Variants in CSF2RA observed in about 807,000 individuals in gnomAD.
CSF2RA encodes the protein granulocyte-macrophage colony-stimulating factor receptor subunit alpha.
CSF2RA carries 42 observed loss-of-function variants against 51.6 expected under a neutral mutation model. That is an observed-to-expected ratio of 0.81 (90% CI 0.64 to 1.05). The LOEUF is 1.05. CSF2RA is among the 50% of genes least tolerant of loss of function. The probability of loss-of-function intolerance (pLI) is 0.00; values close to 1 mark genes in which losing one functional copy is unlikely to be tolerated. For missense variants in CSF2RA, 530 were observed against 501.1 expected, an observed-to-expected ratio of 1.06 and a Z score of -0.55; for synonymous variants, 222 against 193.0, an observed-to-expected ratio of 1.15 and a Z score of -1.24.
intron 1 of CSF2RA, among the ~76,000 whole-genome samples, chrX:1,270,788 C>T (rs2088279586): frequency 1.3e-5 from 2 of 151,074 alleles, no homozygotes; most frequent in South Asian, 4.2e-4. Context: ...TGGTGTAATC[C>T]CAGGACTTTG....
chrX:1,321,426 G>C, the CSF2RA span, among the ~76,000 whole-genome samples: 9 of 151,904 alleles, frequency 5.9e-5, no homozygotes, highest in Non-Finnish European at 2.9e-5. Context: ...CCGAGATCGT[G>C]CCACTGCACT....
chrX:1,322,099 A>ATTATTTATTTAGTTATTTAT, the CSF2RA span, among the ~76,000 whole-genome samples: 1 of 146,638 alleles, frequency 6.8e-6, no homozygotes, highest in East Asian at 2.0e-4. Flanking sequence ...ATAACATCCT[A>ATTATTTATTTAGTTATTTAT]TTATTTATTT....
chrX:1,281,479 T>C (rs752522485), intron 2 of CSF2RA, among the ~76,000 whole-genome samples: 1 of 148,118 alleles, frequency 6.8e-6, no homozygotes, highest in East Asian at 2.1e-4. Flanking sequence ...CTCCTCCTGC[T>C]CCTTCTCCTC....
At chrX:1,314,228 TGCACCTGCCC>T (rs1569514646), downstream of CSF2RA, among the ~76,000 whole-genome samples, 3,235 of 148,970 alleles carry the variant, frequency 0.022, 171 homozygotes, top group Admixed American at 0.049. Flanking sequence ...CCAACCCCAC[TGCACCTGCCC>T]AACCCCACTG....
At chrX:1,286,380 C>G (rs1235092908) in intron 4 of CSF2RA, among the ~76,000 whole-genome samples, 2 of 152,048 alleles carry the variant, frequency 1.3e-5, no homozygotes, top group African/African-American at 2.4e-5. Context: ...ACCAGGCTGA[C>G]CAACATGGTG....
intron 2 of CSF2RA, among the ~76,000 whole-genome samples, chrX:1,275,662 C>G (rs1406960174): frequency 4.7e-5 from 7 of 150,370 alleles, no homozygotes; most frequent in Non-Finnish European, 1.0e-4. Context: ...GGGTTCACGC[C>G]ATTCTCCTGC....
chrX:1,308,730 G>A (rs2083925979), intron 12 of CSF2RA, among the ~76,000 whole-genome samples: 2 of 151,962 alleles, frequency 1.3e-5, no homozygotes, highest in South Asian at 2.1e-4. Context: ...GCTTTCCACT[G>A]ACCCCCAGGG....
chrX:1,286,854 C>A (rs774661267), intron 4 of CSF2RA, among the ~76,000 whole-genome samples: 1 of 151,994 alleles, frequency 6.6e-6, no homozygotes, highest in Non-Finnish European at 1.5e-5. Context: ...GTGTCAGTCA[C>A]GTTGTCAGTG....
At chrX:1,287,711 T>TAG (rs2148358987) in intron 4 of CSF2RA, among the ~76,000 whole-genome samples, 1 of 136,422 alleles carries the variant, frequency 7.3e-6, no homozygotes, top group South Asian at 2.4e-4. Flanking sequence ...CCCAGAGTGC[T>TAG]GGCATTACAG....
At chrX:1,275,089 A>T (rs1432212634) in intron 2 of CSF2RA, among the ~76,000 whole-genome samples, 1 of 22,880 alleles carries the variant, frequency 4.4e-5, no homozygotes, top group Admixed American at 5.4e-4. Context: ...TGAACCTGTC[A>T]AAAAAAAAAA....
In CSF2RA at chrX:1,294,419, G is replaced by C. The variant is rs1314048015; in HGVS notation, c.738G>C (p.Leu246=). Residue 246 remains leucine, a synonymous_variant, in exon 8 of 13, where the codon CTG becomes CTC. Coordinates refer to ENST00000381529, the MANE Select transcript of CSF2RA (RefSeq NM_172245.4). ...AACAGCCCAGGACCTATCAGAAGCT[G>C]TCGTACCTGGACTTTCAGTACCAGC... ...RWKQPRTYQK[L]SYLDFQYQLD... 6.2e-7 allele frequency: 1 copy of C among 1,613,808 alleles called. No homozygotes were observed. Among genetic ancestry groups the C allele is most frequent in the Non-Finnish European group, 8.5e-7 (1 of 1,179,876 alleles).
At chrX:1,287,839 A>T (rs1183502702) in intron 4 of CSF2RA, among the ~76,000 whole-genome samples, 3 of 137,638 alleles carry the variant, frequency 2.2e-5, no homozygotes, top group African/African-American at 8.3e-5. Context: ...TGGGTTCAAG[A>T]GAGTCTCCTG....
intron 10 of CSF2RA, among the ~76,000 whole-genome samples, chrX:1,302,175 C>T (rs2148626030): frequency 6.6e-6 from 1 of 152,198 alleles, no homozygotes; most frequent in Non-Finnish European, 1.5e-5. Flanking sequence ...CTCGCCCTCC[C>T]AAAGTGCTGC....
chrX:1,320,465 G>A, the CSF2RA span, among the ~76,000 whole-genome samples: 4 of 150,204 alleles, frequency 2.7e-5, no homozygotes, highest in African/African-American at 9.8e-5. Context: ...ATTCTCAAAT[G>A]CCTCAGTTCA....
downstream of CSF2RA, among the ~76,000 whole-genome samples, chrX:1,313,947 T>G (rs112702945): frequency 1.3e-4 from 19 of 151,874 alleles, no homozygotes; most frequent in African/African-American, 4.6e-4. Flanking sequence ...GCCCAGATCA[T>G]GCGATTGCAC....
chrX:1,323,204 A>C, the CSF2RA span, among the ~76,000 whole-genome samples: 1 of 152,010 alleles, frequency 6.6e-6, no homozygotes, highest in East Asian at 1.9e-4. Context: ...GTCTTTGCAG[A>C]TGTAATGAAG....
intron 7 of CSF2RA, among the ~76,000 whole-genome samples, chrX:1,291,320 T>C (rs2091377898): frequency 6.9e-6 from 1 of 143,918 alleles, no homozygotes; most frequent in African/African-American, 2.5e-5. Flanking sequence ...CCTCCTTTCC[T>C]TCCTTCCTTC....
intron 6 of CSF2RA, among the ~76,000 whole-genome samples, chrX:1,289,960 TTTG>T (rs1282562449): frequency 1.3e-5 from 2 of 151,426 alleles, no homozygotes; most frequent in African/African-American, 2.4e-5. Flanking sequence ...TTGTTTTGTG[TTTG>T]TTTTTGTTTT....
intron 2 of CSF2RA, among the ~76,000 whole-genome samples, chrX:1,280,961 C>CTTCTCCTCCTCCTG (rs2089902512): frequency 1.4e-5 from 1 of 69,696 alleles, no homozygotes; most frequent in South Asian, 6.6e-4. Context: ...TCCTCCTCCT[C>CTTCTCCTCCTCCTG]CTTCTCCTCC....
Sources: gnomAD v4.1 joint callset for allele counts (sites outside exome capture counted in the v4.1 genomes callset) on GRCh38, gnomAD v4.1.1 for gene constraint, MANE v1.5 for transcripts, NCBI Gene and HGNC (gene_info 2026-07-23, HGNC 2026-07-21) for gene names.